The following ADAM2 variants were observed in gnomAD, a reference collection of about 807,000 sequenced individuals.
ADAM2 encodes disintegrin and metalloproteinase domain-containing protein 2.
In ADAM2, 101 loss-of-function variants were observed where a neutral mutation model predicts 99.3. The ratio of observed to expected loss-of-function variants is 1.02; its 90% CI spans 0.87 to 1.20. ADAM2 has a LOEUF of 1.20. Among genes scored for constraint, ADAM2 ranks in the 50% most tolerant of loss-of-function variants. The pLI is 0.00. For missense variants in ADAM2, 948 were observed against 878.7 expected (o/e 1.08, Z -1.00); for synonymous variants, 323 against 287.6 (o/e 1.12, Z -1.25).
At chr8:39,753,909 G>T (rs1563335599) in intron 16 of ADAM2, among the ~76,000 whole-genome samples, 4 of 152,032 alleles carry the variant, frequency 2.6e-5, no homozygotes, top group South Asian at 4.2e-4. Flanking sequence ...CTGCCAACTT[G>T]CCCAGTGTTT....
At chr8:39,794,214 T>C (rs997067167) in intron 7 of ADAM2, among the ~76,000 whole-genome samples, 1 of 152,182 alleles carries the variant, frequency 6.6e-6, no homozygotes, top group Non-Finnish European at 1.5e-5. Context: ...GTATGTCATA[T>C]GTACAGAGTA....
intron 7 of ADAM2, 120 bp from the exon 8 acceptor site, chr8:39,788,860 T>C (rs1381194567): frequency 2.1e-5 from 11 of 515,664 alleles, no homozygotes; most frequent in Non-Finnish European, 3.5e-5. Flanking sequence ...ACAAACATAT[T>C]AGTTTTTAGA....
At position 39,747,905 on chromosome 8, in the gene ADAM2, C is replaced by T. The variant is rs113045862; in HGVS notation, c.2015-1274G>A. Reference sequence around the variant, plus strand: ...AAGACTTCAATAGTTTCCTGCCTTTCTGTCTTCCATGCACTATCCAATTTC... The same window carrying T: ...AAGACTTCAATAGTTTCCTGCCTTTTTGTCTTCCATGCACTATCCAATTTC... On this transcript the variant is annotated intron_variant, in intron 18 of 20. Transcript: ENST00000265708. Among the ~76,000 whole-genome samples the T allele has an allele frequency of 1.7e-3, 266 of 152,300 alleles. 2 individuals carry two copies. Among genetic ancestry groups the T allele is most frequent in the African/African-American group, 5.8e-3 (241 of 41,574 alleles).
At position 39,744,830 on chromosome 8, in the gene ADAM2, A is replaced by G; in HGVS notation, c.*30T>C. 1 of 1,572,902 alleles carries G rather than the reference A, an allele frequency of 6.4e-7. No homozygotes were observed. The highest frequency in any genetic ancestry group is 2.3e-5 in the East Asian group (1 of 44,432). On this transcript the variant is annotated splice_region_variant and 3_prime_UTR_variant, in exon 20 of 21. Coordinates refer to ENST00000265708, the MANE Select transcript of ADAM2 (RefSeq NM_001464.5). Reference sequence around the variant, plus strand: ...TTTTAAAAAAATGAAAGAAACTCACAGTGATATCATGGCATCTCTGTTGTC... The same window carrying G: ...TTTTAAAAAAATGAAAGAAACTCACGGTGATATCATGGCATCTCTGTTGTC...
intron 18 of ADAM2, 79 bp from the exon 19 acceptor site, chr8:39,746,710 A>G: frequency 9.0e-7 from 1 of 1,107,158 alleles, no homozygotes; most frequent in Non-Finnish European, 1.3e-6. Flanking sequence ...TACTACGTCT[A>G]CCAAAATAAA....
In ADAM2 at chr8:39,810,426, A is replaced by C. The variant is rs1804647434; in HGVS notation, c.514-960T>G. Among the ~76,000 whole-genome samples the C allele has an allele frequency of 3.3e-5, 5 of 152,346 alleles. No homozygotes were observed. The South Asian group carries it at 1.0e-3, about 32-fold the overall frequency. Reference sequence around the variant, plus strand: ...CAGGACTTGAACTCAGCTCTGCACCAAGTGGACCTAATAGACATCTACAGA... The same window carrying C: ...CAGGACTTGAACTCAGCTCTGCACCCAGTGGACCTAATAGACATCTACAGA... On this transcript the variant is annotated intron_variant, in intron 6 of 20. Transcript: ENST00000265708.
intron 1 of ADAM2, 129 bp from the exon 2 acceptor site, chr8:39,837,341 C>A (rs61429352): frequency 0.24 from 136,412 of 562,374 alleles, 17,606 homozygotes; most frequent in Middle Eastern, 0.32. Context: ...CTTCCCATTT[C>A]TTTCTAAAAA....
chr8:39,815,746 T>A (rs1289503913), intron 6 of ADAM2, among the ~76,000 whole-genome samples: 1 of 151,990 alleles, frequency 6.6e-6, no homozygotes, highest in Non-Finnish European at 1.5e-5. Context: ...AATTTTTATT[T>A]CCAAAAGTGA....
At chr8:39,759,834 T>C (rs2129583647) in intron 15 of ADAM2, among the ~76,000 whole-genome samples, 1 of 152,280 alleles carries the variant, frequency 6.6e-6, no homozygotes, top group African/African-American at 2.4e-5. Context: ...AGCAAAGGAA[T>C]GGGTATCAGT....
At chr8:39,799,367 C>T (rs938542892) in intron 7 of ADAM2, among the ~76,000 whole-genome samples, 1 of 152,112 alleles carries the variant, frequency 6.6e-6, no homozygotes, top group South Asian at 2.1e-4. Flanking sequence ...TTTCTTAATC[C>T]TGGGTTCTAA....
intron 11 of ADAM2, among the ~76,000 whole-genome samples, chr8:39,776,423 A>G (rs894831091): frequency 6.6e-6 from 1 of 152,112 alleles, no homozygotes; most frequent in East Asian, 1.9e-4. Flanking sequence ...GCCTCCAAGA[A>G]TATCCATCAG....
chr8:39,746,182 C>T (rs1268526887), intron 19 of ADAM2, among the ~76,000 whole-genome samples: 4 of 152,118 alleles, frequency 2.6e-5, no homozygotes, highest in East Asian at 1.9e-4. Flanking sequence ...CATGCCACCA[C>T]GCCTGGCTAA....
intron 11 of ADAM2, among the ~76,000 whole-genome samples, chr8:39,772,024 C>T (rs963890282): frequency 6.8e-6 from 1 of 145,990 alleles, no homozygotes; most frequent in South Asian, 2.1e-4. Flanking sequence ...TGCATGTATA[C>T]ATATGTAACA....
chr8:39,815,398 G>A (rs973259797), intron 6 of ADAM2, among the ~76,000 whole-genome samples: 15 of 152,238 alleles, frequency 9.9e-5, no homozygotes, highest in African/African-American at 1.7e-4. Context: ...TCAAGTGAGA[G>A]AAAATAATAG....
At chr8:39,790,345 G>C (rs925039708) in intron 7 of ADAM2, among the ~76,000 whole-genome samples, 1 of 151,904 alleles carries the variant, frequency 6.6e-6, no homozygotes, top group East Asian at 1.9e-4. Flanking sequence ...TTTACAGTAA[G>C]AAGAAACGCA....
intron 19 of ADAM2, 89 bp from the exon 20 acceptor site, chr8:39,744,982 G>A: frequency 9.6e-7 from 1 of 1,045,936 alleles, no homozygotes; most frequent in Admixed American, 2.2e-5. Context: ...AAACAGTTCT[G>A]AATTTTTACC....
intron 1 of ADAM2, among the ~76,000 whole-genome samples, 191 bp from the exon 2 acceptor site, chr8:39,837,403 C>T (rs1805877539): frequency 6.7e-6 from 1 of 148,832 alleles, no homozygotes; most frequent in African/African-American, 2.5e-5. Flanking sequence ...GTTTTTGAGA[C>T]GAAGTCTCAC....
At chr8:39,828,283 A>G (rs1022893383) in intron 3 of ADAM2, among the ~76,000 whole-genome samples, 2 of 151,834 alleles carry the variant, frequency 1.3e-5, no homozygotes, top group Admixed American at 6.5e-5. Context: ...AAAAAAAATA[A>G]TGAATGGGAA....
chr8:39,755,054 T>C (rs1412396485), intron 16 of ADAM2, among the ~76,000 whole-genome samples: 2 of 152,204 alleles, frequency 1.3e-5, no homozygotes, highest in African/African-American at 2.4e-5. Flanking sequence ...AGTTTGTTTA[T>C]TATTTTCATC....
Sources: gnomAD v4.1 joint callset for allele counts (sites outside exome capture counted in the v4.1 genomes callset) on GRCh38, gnomAD v4.1.1 for gene constraint, MANE v1.5 for transcripts, NCBI Gene and HGNC (gene_info 2026-07-23, HGNC 2026-07-21) for gene names.